The following PTPRQ variants were observed in gnomAD, a reference collection of about 807,000 sequenced individuals.
The protein encoded by PTPRQ is protein tyrosine phosphatase receptor type Q.
PTPRQ carries 199 observed loss-of-function variants against 246.0 expected under a neutral mutation model. The observed-to-expected ratio is 0.81, with a 90% CI of 0.72 to 0.91. The LOEUF (loss-of-function observed/expected upper bound fraction) is 0.91, where lower values mean the gene tolerates loss of function less well. Ranked by LOEUF, PTPRQ falls within the 40% of genes least tolerant of loss-of-function variation. PTPRQ has a pLI of 0.00. For missense variants in PTPRQ, 2,624 were observed against 2,528.4 expected (o/e 1.04, Z -0.81); for synonymous variants, 869 against 853.2 (o/e 1.02, Z -0.32).
At chr12:80,625,503 A>T (rs1899167032) in intron 33 of PTPRQ, among the ~76,000 whole-genome samples, 1 of 152,142 alleles carries the variant, frequency 6.6e-6, no homozygotes, top group Admixed American at 6.6e-5. Context: ...TCCACAGACC[A>T]TTGTAGTGGT....
At chr12:80,583,898 TG>T (rs1897527957) in intron 25 of PTPRQ, 1 of 152,224 alleles carries the variant, frequency 6.6e-6, no homozygotes, top group African/African-American at 2.4e-5. Flanking sequence ...CTTCCCTGGC[TG>T]GCTTTTAGCT....
At chr12:80,534,632 C>T (rs564234116) in intron 18 of PTPRQ, among the ~76,000 whole-genome samples, 5 of 151,912 alleles carry the variant, frequency 3.3e-5, no homozygotes, top group Admixed American at 6.6e-5. Context: ...ATATCCAGAG[C>T]AGTGGACAGG....
At chr12:80,619,613 T>A (rs563257683) in intron 31 of PTPRQ, 71 bp downstream of exon 31, 1 of 1,287,280 alleles carries the variant, frequency 7.8e-7, no homozygotes, top group African/African-American at 1.5e-5. Flanking sequence ...AAGAATTTAG[T>A]TCAAATTAAG....
At chr12:80,555,754 T>C (rs76056309) in intron 25 of PTPRQ, among the ~76,000 whole-genome samples, 14,732 of 152,182 alleles carry the variant, frequency 0.097, 951 homozygotes, top group African/African-American at 0.17. Context: ...TAGACTTAAT[T>C]ATTAAATATA....
At chr12:80,524,306 G>C (rs775267128) in intron 17 of PTPRQ, among the ~76,000 whole-genome samples, 6 of 152,108 alleles carry the variant, frequency 3.9e-5, no homozygotes, top group African/African-American at 7.2e-5. Context: ...GATGAGACCT[G>C]ATGGTTTTAC....
At chr12:80,565,653 A>C (rs1896957191) in intron 25 of PTPRQ, among the ~76,000 whole-genome samples, 1 of 152,234 alleles carries the variant, frequency 6.6e-6, no homozygotes, top group Admixed American at 6.5e-5. Flanking sequence ...AAAAACTTTT[A>C]CTAATGATGT....
chr12:80,538,326 C>T (rs2120825825), intron 19 of PTPRQ, among the ~76,000 whole-genome samples: 1 of 152,230 alleles, frequency 6.6e-6, no homozygotes, highest in South Asian at 2.1e-4. Flanking sequence ...TGCCTATGCA[C>T]ATTAAGTCAC....
chr12:80,573,465 G>C (rs1437621857), intron 25 of PTPRQ, among the ~76,000 whole-genome samples: 5 of 151,908 alleles, frequency 3.3e-5, no homozygotes, highest in Admixed American at 2.0e-4. Context: ...CTCCAGCCTG[G>C]GCCACAGAGT....
At chr12:80,544,556 G>A (rs534162687) in intron 23 of PTPRQ, among the ~76,000 whole-genome samples, 10 of 152,154 alleles carry the variant, frequency 6.6e-5, no homozygotes, top group South Asian at 4.1e-4. Flanking sequence ...AATCTACTGC[G>A]TCATGTTACT....
chr12:80,470,638 C>T (rs934365460), intron 7 of PTPRQ, among the ~76,000 whole-genome samples: 18 of 151,558 alleles, frequency 1.2e-4, no homozygotes, highest in East Asian at 1.9e-4. Context: ...AACAGAAGGG[C>T]GAGGGAATTG....
chr12:80,447,363 A>T (rs541568480), intron 3 of PTPRQ, among the ~76,000 whole-genome samples: 1 of 151,942 alleles, frequency 6.6e-6, no homozygotes, highest in South Asian at 2.1e-4. Flanking sequence ...TTACTCTGTT[A>T]ATTATTTCCT....
At chr12:80,653,844 TC>T (rs930616232) in intron 38 of PTPRQ, among the ~76,000 whole-genome samples, 2 of 152,156 alleles carry the variant, frequency 1.3e-5, no homozygotes, top group African/African-American at 4.8e-5. Context: ...GAAGTAGTAA[TC>T]TACTAGAACC....
chr12:80,601,070 T>A (rs1898127153), intron 26 of PTPRQ, among the ~76,000 whole-genome samples: 2 of 151,828 alleles, frequency 1.3e-5, no homozygotes, highest in Admixed American at 1.3e-4. Flanking sequence ...GTTTAAATGT[T>A]ATCTGCTTAG....
chr12:80,584,982 A>AATAT (rs36023309), intron 25 of PTPRQ, among the ~76,000 whole-genome samples: 74 of 148,920 alleles, frequency 5.0e-4, no homozygotes, highest in African/African-American at 1.2e-3. Context: ...AGTTTTGGTA[A>AATAT]ATATATATAT....
intron 25 of PTPRQ, among the ~76,000 whole-genome samples, chr12:80,562,281 G>A (rs1021716747): frequency 1.3e-5 from 2 of 152,082 alleles, no homozygotes; most frequent in Non-Finnish European, 2.9e-5. Flanking sequence ...TCTAGTTACT[G>A]TATAAGAGTA....
At chr12:80,620,403 A>T (rs886692840) in intron 32 of PTPRQ, 27 bp downstream of exon 32, 5 of 1,545,064 alleles carry the variant, frequency 3.2e-6, no homozygotes, top group Non-Finnish European at 4.4e-6. Context: ...TCTACCATGC[A>T]TTCTGTTAGC....
At chr12:80,541,962 C>T (rs887310137) in intron 21 of PTPRQ, 117 bp downstream of exon 21, 1 of 1,454,448 alleles carries the variant, frequency 6.9e-7, no homozygotes, top group Non-Finnish European at 9.1e-7. Context: ...AAGTAATTAG[C>T]CTTTCAATAA....
At chr12:80,458,750 C>T (rs900582825) in intron 4 of PTPRQ, among the ~76,000 whole-genome samples, 3 of 151,780 alleles carry the variant, frequency 2.0e-5, no homozygotes, top group Non-Finnish European at 4.4e-5. Context: ...TATTATTACT[C>T]TATATAATTA....
chr12:80,517,754 G>C (rs1592605259), intron 17 of PTPRQ, among the ~76,000 whole-genome samples: 1 of 151,888 alleles, frequency 6.6e-6, no homozygotes, highest in Middle Eastern at 3.4e-3. Context: ...GAGAACATGT[G>C]AAGTTTGTCA....
Sources: allele counts gnomAD v4.1 joint callset (sites outside exome capture counted in the v4.1 genomes callset), GRCh38; gene constraint gnomAD v4.1.1; transcripts MANE v1.5; gene names NCBI Gene and HGNC (gene_info 2026-07-23, HGNC 2026-07-21).